The following SYT1 variants were observed in gnomAD, a reference collection of about 807,000 sequenced individuals.
The protein encoded by SYT1 is synaptotagmin-1.
Under a neutral mutation model 44.8 loss-of-function variants are expected in SYT1, and 8 were observed. The observed-to-expected ratio is 0.18, with a 90% CI of 0.10 to 0.32. The LOEUF (loss-of-function observed/expected upper bound fraction) is 0.32, where lower values mean the gene tolerates loss of function less well. Among genes scored for constraint, SYT1 ranks in the 10% least tolerant of loss-of-function variants. The pLI is 1.00. For synonymous variants in SYT1, 154 were observed against 188.8 expected (o/e 0.82, Z 1.51); for missense variants, 286 against 509.3 (o/e 0.56, Z 4.22).
intron 1 of SYT1, among the ~76,000 whole-genome samples, chr12:78,947,440 A>C (rs2137278741): frequency 6.6e-6 from 1 of 152,098 alleles, no homozygotes; most frequent in South Asian, 2.1e-4. Flanking sequence ...AAACCATTTG[A>C]GCAAGAACTA....
At chr12:79,210,012 TTAAA>T (rs1295568175) in intron 3 of SYT1, among the ~76,000 whole-genome samples, 3 of 152,186 alleles carry the variant, frequency 2.0e-5, no homozygotes, top group East Asian at 1.9e-4. Context: ...AATACAATAC[TTAAA>T]TAGAGATGGA....
At chr12:79,155,932 C>T (rs2138281597) in intron 3 of SYT1, among the ~76,000 whole-genome samples, 1 of 152,292 alleles carries the variant, frequency 6.6e-6, no homozygotes, top group South Asian at 2.1e-4. Flanking sequence ...AACTTGATTG[C>T]CTAATCAGCC....
intron 2 of SYT1, among the ~76,000 whole-genome samples, chr12:79,010,837 G>T (rs1350961713): frequency 6.6e-6 from 1 of 152,080 alleles, no homozygotes; most frequent in Non-Finnish European, 1.5e-5. Context: ...TTCTTCTAAA[G>T]CTAGATCCTC....
intron 3 of SYT1, among the ~76,000 whole-genome samples, chr12:79,161,980 G>A (rs1232733999): frequency 6.6e-6 from 1 of 152,056 alleles, no homozygotes; most frequent in Non-Finnish European, 1.5e-5. Context: ...AAGACATATT[G>A]TTCGATTCCA....
chr12:78,899,235 T>C (rs941834733), intron 1 of SYT1, among the ~76,000 whole-genome samples: 1 of 152,026 alleles, frequency 6.6e-6, no homozygotes, highest in African/African-American at 2.4e-5. Flanking sequence ...ATGTTTTTAG[T>C]GTAGGGAACT....
chr12:78,957,844 A>G (rs2137323036), intron 1 of SYT1, among the ~76,000 whole-genome samples: 2 of 152,324 alleles, frequency 1.3e-5, no homozygotes, highest in African/African-American at 4.8e-5. Context: ...GTAGAAAATC[A>G]GTAACATTAT....
intron 3 of SYT1, among the ~76,000 whole-genome samples, chr12:79,053,924 A>G (rs993171229): frequency 4.6e-5 from 7 of 152,038 alleles, no homozygotes; most frequent in African/African-American, 1.4e-4. Flanking sequence ...TTTAATCCTG[A>G]TCTGTGTTCC....
chr12:79,377,702 A>C (rs1243578900), intron 9 of SYT1, among the ~76,000 whole-genome samples: 4 of 152,184 alleles, frequency 2.6e-5, no homozygotes, highest in African/African-American at 7.2e-5. Context: ...TGTATAAACA[A>C]CTTAGCTTCC....
chr12:79,188,821 A>T (rs1193060556), intron 3 of SYT1, among the ~76,000 whole-genome samples: 1 of 152,128 alleles, frequency 6.6e-6, no homozygotes, highest in African/African-American at 2.4e-5. Context: ...TCAAGTAAAA[A>T]TCCAATGAAT....
intron 9 of SYT1, among the ~76,000 whole-genome samples, chr12:79,366,246 A>G (rs1488758077): frequency 6.6e-6 from 1 of 152,262 alleles, no homozygotes; most frequent in Non-Finnish European, 1.5e-5. Flanking sequence ...TACCTGAAAG[A>G]TATGTTAGTG....
chr12:79,330,942 A>G (rs541131803), intron 8 of SYT1, among the ~76,000 whole-genome samples: 1 of 152,304 alleles, frequency 6.6e-6, no homozygotes, highest in Non-Finnish European at 1.5e-5. Context: ...TTGGGAACCT[A>G]ACATCTTTCA....
intron 9 of SYT1, among the ~76,000 whole-genome samples, chr12:79,431,725 T>C (rs898027903): frequency 2.0e-5 from 3 of 151,984 alleles, no homozygotes; most frequent in African/African-American, 7.3e-5. Context: ...GTATTTTTAG[T>C]ACAGACGGGG....
intron 2 of SYT1, among the ~76,000 whole-genome samples, chr12:78,999,165 A>G (rs1055822459): frequency 6.6e-6 from 1 of 152,172 alleles, no homozygotes; most frequent in Non-Finnish European, 1.5e-5. Flanking sequence ...GGAAATTCAT[A>G]TCTCGTGTTT....
chr12:79,249,368 T>C (rs2138685842), intron 4 of SYT1, among the ~76,000 whole-genome samples: 1 of 151,220 alleles, frequency 6.6e-6, no homozygotes, highest in East Asian at 1.9e-4. Flanking sequence ...CCTCCCAAAG[T>C]GCTGGGATTA....
intron 3 of SYT1, among the ~76,000 whole-genome samples, chr12:79,050,026 C>T (rs1874356013): frequency 6.6e-6 from 1 of 152,000 alleles, no homozygotes; most frequent in African/African-American, 2.4e-5. Flanking sequence ...TGATCACCAA[C>T]TCCCACACAG....
chr12:79,322,904 A>T (rs1881433599), intron 8 of SYT1, among the ~76,000 whole-genome samples: 1 of 152,192 alleles, frequency 6.6e-6, no homozygotes. Context: ...TGTTGAAACG[A>T]TATCTGAAAG....
At chr12:79,110,250 A>T (rs1053570620) in intron 3 of SYT1, among the ~76,000 whole-genome samples, 1 of 152,034 alleles carries the variant, frequency 6.6e-6, no homozygotes, top group African/African-American at 2.4e-5. Context: ...ATTTTTATTG[A>T]TTGGAAAAAA....
At chr12:79,209,778 C>G (rs1203653513) in intron 3 of SYT1, among the ~76,000 whole-genome samples, 1 of 152,130 alleles carries the variant, frequency 6.6e-6, no homozygotes, top group Non-Finnish European at 1.5e-5. Context: ...CTACCTATAC[C>G]CACAGCAGAT....
chr12:79,260,301 C>T (rs943693915), intron 4 of SYT1, among the ~76,000 whole-genome samples: 7 of 152,136 alleles, frequency 4.6e-5, no homozygotes, highest in Non-Finnish European at 1.0e-4. Flanking sequence ...CACATGCACA[C>T]ACAACTTCAG....
Sources: gnomAD v4.1 joint callset for allele counts (sites outside exome capture counted in the v4.1 genomes callset) on GRCh38, gnomAD v4.1.1 for gene constraint, MANE v1.5 for transcripts, NCBI Gene and HGNC (gene_info 2026-07-23, HGNC 2026-07-21) for gene names.